The following TMEM135 variants were observed in gnomAD, a reference collection of about 807,000 sequenced individuals.
TMEM135 encodes the protein transmembrane protein 135, also known as peroxisomal membrane protein 52.
A neutral mutation model predicts 60.3 loss-of-function variants in TMEM135; 30 were observed. The ratio of observed to expected loss-of-function variants is 0.50; its 90% CI spans 0.37 to 0.68. The LOEUF is 0.68. Ranked by LOEUF, TMEM135 falls within the 30% of genes least tolerant of loss-of-function variation. The pLI is 0.00. For missense variants in TMEM135, 468 were observed against 548.8 expected (o/e 0.85, Z 1.47); for synonymous variants, 190 against 186.7 (o/e 1.02, Z -0.14).
At chr11:87,086,685 G>A (rs1857103818) in intron 3 of TMEM135, among the ~76,000 whole-genome samples, 1 of 152,174 alleles carries the variant, frequency 6.6e-6, no homozygotes, top group Non-Finnish European at 1.5e-5. Context: ...GGGCATGACA[G>A]CATAGAAAAC....
intron 4 of TMEM135, among the ~76,000 whole-genome samples, chr11:87,147,043 A>G (rs907275886): frequency 1.3e-5 from 2 of 152,224 alleles, no homozygotes; most frequent in African/African-American, 4.8e-5. Context: ...GAAATATATT[A>G]TAATAATACT....
intron 3 of TMEM135, among the ~76,000 whole-genome samples, chr11:87,073,424 A>T (rs1856809672): frequency 6.6e-6 from 1 of 152,202 alleles, no homozygotes; most frequent in Non-Finnish European, 1.5e-5. Context: ...TACAATACTT[A>T]AACTTTTGGA....
intron 5 of TMEM135, among the ~76,000 whole-genome samples, chr11:87,189,287 A>G (rs1211828090): frequency 2.6e-5 from 4 of 151,768 alleles, no homozygotes. Context: ...CAGCCTCCCA[A>G]GTAGCTGGGA....
chr11:87,324,961 G>T lies in TMEM135; in HGVS notation c.*3628G>T. 1 of 453,988 alleles carries T rather than the reference G, an allele frequency of 2.2e-6. No homozygotes were observed. The highest frequency in any genetic ancestry group is 4.4e-6 in the Non-Finnish European group (1 of 226,760). The allele number at this position is 453,988 out of a possible 1,614,324, so 28.1% of individuals were successfully genotyped here. ...ATAAGAAGTGATTATTTTCTTTAGGGCTGCACTTTGAATGTGATGAGTAAT... is the reference window on the plus strand; with the variant it reads ...ATAAGAAGTGATTATTTTCTTTAGGTCTGCACTTTGAATGTGATGAGTAAT... On this transcript the variant is annotated 3_prime_UTR_variant, in exon 15 of 15. Coordinates refer to ENST00000305494, the MANE Select transcript of TMEM135 (RefSeq NM_022918.4).
intron 6 of TMEM135, among the ~76,000 whole-genome samples, chr11:87,237,572 A>T (rs1941027480): frequency 6.6e-6 from 1 of 151,946 alleles, no homozygotes; most frequent in African/African-American, 2.4e-5. Context: ...TTTTAAAAAA[A>T]TTTTTATTTT....
intron 4 of TMEM135, among the ~76,000 whole-genome samples, chr11:87,147,289 C>T (rs952242093): frequency 6.6e-6 from 1 of 152,240 alleles, no homozygotes; most frequent in Non-Finnish European, 1.5e-5. Context: ...TGCCACTACA[C>T]TCCAGCCTGG....
At chr11:87,274,532 G>A (rs887175087) in intron 6 of TMEM135, among the ~76,000 whole-genome samples, 6 of 152,048 alleles carry the variant, frequency 3.9e-5, no homozygotes, top group Non-Finnish European at 8.8e-5. Context: ...ATCTTCTTGT[G>A]CTTTAGGAGT....
At chr11:87,258,873 A>T in intron 6 of TMEM135, 1 of 884,996 alleles carries the variant, frequency 1.1e-6, no homozygotes, top group East Asian at 2.5e-5. Flanking sequence ...GAAGTGAAGG[A>T]AGAGCCCCTT....
chr11:87,282,063 G>A (rs750740795), intron 6 of TMEM135, among the ~76,000 whole-genome samples: 29 of 152,268 alleles, frequency 1.9e-4, no homozygotes, highest in Middle Eastern at 3.4e-3. Context: ...GAGATTGTTG[G>A]GCCCCACACT....
chr11:87,239,934 T>C (rs1347024576), intron 6 of TMEM135, among the ~76,000 whole-genome samples: 1 of 152,136 alleles, frequency 6.6e-6, no homozygotes, highest in Non-Finnish European at 1.5e-5. Flanking sequence ...TTAATAGTTT[T>C]TTAATAGTTA....
At position 87,260,053 on chromosome 11, in the gene TMEM135, C is replaced by G. The variant is rs536742009; in HGVS notation, c.509+23369C>G. ...AGGACCTCTGAATCTCAGCTGCTCT[C>G]AAATGCTTTCTAAAGTGATTTGATC... On this transcript the variant is annotated intron_variant, in intron 6 of 14. Transcript: ENST00000305494. Among the ~76,000 whole-genome samples the G allele has an allele frequency of 6.8e-4, 104 of 152,258 alleles. 1 individual carries two copies. Among genetic ancestry groups the G allele is most frequent in the African/African-American group, 2.4e-3 (98 of 41,548 alleles).
At chr11:87,168,748 G>T (rs1939141252) in intron 5 of TMEM135, among the ~76,000 whole-genome samples, 1 of 152,174 alleles carries the variant, frequency 6.6e-6, no homozygotes, top group Non-Finnish European at 1.5e-5. Flanking sequence ...TTTAGAAGAA[G>T]TTCTATGTGG....
intron 4 of TMEM135, among the ~76,000 whole-genome samples, chr11:87,110,965 A>T (rs938053909): frequency 6.6e-6 from 1 of 152,176 alleles, no homozygotes. Context: ...AAGTTCTGGG[A>T]CTTAGCCCTG....
chr11:87,268,086 T>A (rs1168314012), intron 6 of TMEM135, among the ~76,000 whole-genome samples: 1 of 151,802 alleles, frequency 6.6e-6, no homozygotes, highest in Non-Finnish European at 1.5e-5. Flanking sequence ...TCAGGGGAGA[T>A]TAAGTACCTA....
At chr11:87,303,906 G>A (rs1001450241) in intron 8 of TMEM135, among the ~76,000 whole-genome samples, 8 of 152,182 alleles carry the variant, frequency 5.3e-5, no homozygotes, top group Admixed American at 3.9e-4. Context: ...ATGACAGAAC[G>A]TATCATAGTA....
chr11:87,316,261 AAT>A (rs199872775), intron 12 of TMEM135, among the ~76,000 whole-genome samples: 2 of 150,326 alleles, frequency 1.3e-5, no homozygotes, highest in Admixed American at 6.7e-5. Flanking sequence ...GCTTTACCCA[AAT>A]ATATGTGTGT....
chr11:87,096,814 A>G (rs1857341292), intron 4 of TMEM135, among the ~76,000 whole-genome samples: 1 of 152,184 alleles, frequency 6.6e-6, no homozygotes. Flanking sequence ...GATTGGTAGA[A>G]GTTTTAACCA....
chr11:87,104,019 C>T (rs1404888193), intron 4 of TMEM135, among the ~76,000 whole-genome samples: 1 of 152,148 alleles, frequency 6.6e-6, no homozygotes, highest in Admixed American at 6.5e-5. Flanking sequence ...AGACCAGTGC[C>T]ATGAAGCTTT....
intron 3 of TMEM135, among the ~76,000 whole-genome samples, chr11:87,076,244 A>G (rs1339215681): frequency 6.6e-6 from 1 of 152,198 alleles, no homozygotes; most frequent in Admixed American, 6.5e-5. Context: ...TGCTCAAACC[A>G]CAATATAAAG....
Sources: gnomAD v4.1 joint callset for allele counts (sites outside exome capture counted in the v4.1 genomes callset) on GRCh38, gnomAD v4.1.1 for gene constraint, MANE v1.5 for transcripts, NCBI Gene and HGNC (gene_info 2026-07-23, HGNC 2026-07-21) for gene names.